The following PDGFRL variants were observed in gnomAD, a reference collection of about 807,000 sequenced individuals.
PDGFRL encodes the protein platelet-derived growth factor receptor-like protein.
In PDGFRL, 46 loss-of-function variants were observed where a neutral mutation model predicts 37.2. The ratio of observed to expected loss-of-function variants is 1.24; its 90% CI spans 0.98 to 1.58. The LOEUF (loss-of-function observed/expected upper bound fraction) is 1.58. Among genes scored for constraint, PDGFRL ranks in the 40% most tolerant of loss-of-function variants. The probability of loss-of-function intolerance (pLI) is 0.00; values close to 1 mark genes in which losing one functional copy is unlikely to be tolerated. For synonymous variants in PDGFRL, 251 were observed against 184.3 expected (o/e 1.36, Z -2.93); for missense variants, 692 against 467.6 (o/e 1.48, Z -4.43).
intron 3 of PDGFRL, among the ~76,000 whole-genome samples, chr8:17,622,311 G>A (rs898219038): frequency 1.3e-5 from 2 of 152,220 alleles, no homozygotes; most frequent in Non-Finnish European, 2.9e-5. Context: ...TGTCGTCCAA[G>A]ACATTTCAGG....
At chr8:17,641,722 G>T (rs1273627808) in intron 5 of PDGFRL, among the ~76,000 whole-genome samples, 2 of 152,160 alleles carry the variant, frequency 1.3e-5, no homozygotes, top group Non-Finnish European at 2.9e-5. Flanking sequence ...TGCCAGAAGA[G>T]ATTTGGCCTC....
At chr8:17,579,722 A>T (rs1803667106) in intron 1 of PDGFRL, among the ~76,000 whole-genome samples, 1 of 152,038 alleles carries the variant, frequency 6.6e-6, no homozygotes, top group African/African-American at 2.4e-5. Flanking sequence ...GCAAGTGTGT[A>T]TGGGGGTGAA....
chr8:17,593,713 A>T (rs113202541), intron 2 of PDGFRL, among the ~76,000 whole-genome samples: 1 of 151,510 alleles, frequency 6.6e-6, no homozygotes, highest in Non-Finnish European at 1.5e-5. Context: ...TGACCAACAC[A>T]GCGAAACCCC....
chr8:17,581,680 G>A (rs1459586307), intron 1 of PDGFRL, among the ~76,000 whole-genome samples: 1 of 152,126 alleles, frequency 6.6e-6, no homozygotes, highest in African/African-American at 2.4e-5. Flanking sequence ...TCCTCCCACC[G>A]CACCATGTGA....
At chr8:17,577,093 A>AAAAAAAAAAAT (rs1803599953), upstream of PDGFRL, 1 of 930,680 alleles carries the variant, frequency 1.1e-6, no homozygotes, top group Non-Finnish European at 1.5e-6. Context: ...AAAAAAAAAA[A>AAAAAAAAAAAT]AAATTCCCCA....
chr8:17,602,805 A>G (rs1804194020), intron 2 of PDGFRL, among the ~76,000 whole-genome samples: 1 of 152,166 alleles, frequency 6.6e-6, no homozygotes, highest in African/African-American at 2.4e-5. Context: ...CAGCTGTGCT[A>G]CAACTGGCTT....
intron 4 of PDGFRL, among the ~76,000 whole-genome samples, chr8:17,631,785 C>G (rs967254961): frequency 6.6e-6 from 1 of 152,190 alleles, no homozygotes; most frequent in African/African-American, 2.4e-5. Flanking sequence ...TTTTTCCCAG[C>G]TTCCCCCACC....
At chr8:17,584,402 G>C (rs1489073340) in intron 1 of PDGFRL, among the ~76,000 whole-genome samples, 1 of 151,470 alleles carries the variant, frequency 6.6e-6, no homozygotes, top group Non-Finnish European at 1.5e-5. Context: ...TAGAGGCGGG[G>C]TCAGGACAGG....
At chr8:17,587,350 C>G (rs1803839248) in intron 1 of PDGFRL, among the ~76,000 whole-genome samples, 1 of 152,132 alleles carries the variant, frequency 6.6e-6, no homozygotes, top group African/African-American at 2.4e-5. Context: ...AAGGATCAGA[C>G]AAGTAGCTCT....
intron 2 of PDGFRL, among the ~76,000 whole-genome samples, chr8:17,615,448 T>C (rs1471744556): frequency 6.6e-6 from 1 of 152,188 alleles, no homozygotes; most frequent in Non-Finnish European, 1.5e-5. Flanking sequence ...TATAAGTGTT[T>C]GTAACCTGAG....
intron 2 of PDGFRL, among the ~76,000 whole-genome samples, chr8:17,595,606 G>A (rs1197846718): frequency 2.0e-5 from 3 of 152,202 alleles, no homozygotes; most frequent in Admixed American, 1.3e-4. Flanking sequence ...GCGTGGCTGA[G>A]CCCAGGGCTT....
chr8:17,622,636 C>G (rs1250277176), intron 3 of PDGFRL, among the ~76,000 whole-genome samples: 1 of 152,146 alleles, frequency 6.6e-6, no homozygotes, highest in African/African-American at 2.4e-5. Context: ...AAGTTCTTGT[C>G]TCATGCCAGG....
intron 2 of PDGFRL, among the ~76,000 whole-genome samples, chr8:17,608,048 C>T (rs1214528666): frequency 1.3e-5 from 2 of 152,216 alleles, no homozygotes; most frequent in Non-Finnish European, 2.9e-5. Flanking sequence ...CTTCTCTTGT[C>T]ACTTCCCGTC....
rs549238732 is a variant in PDGFRL at position 17,606,263 on chromosome 8, C to G, written c.354-14788C>G. 2.0e-5 allele frequency among the ~76,000 whole-genome samples: 3 copies of G among 152,100 alleles called. 1 individual carries two copies. The highest frequency in any genetic ancestry group is 4.2e-4 in the South Asian group (2 of 4,810). On this transcript the variant is annotated intron_variant, in intron 2 of 5. Coordinates refer to ENST00000251630, the MANE Select transcript of PDGFRL (RefSeq NM_001372073.1). ...ATTAACCATTTTTAAGGAGATAGTT[C>G]AGTACACTTAAGTGCATTCATATCA...
At chr8:17,614,405 G>A (rs79564393) in intron 2 of PDGFRL, among the ~76,000 whole-genome samples, 1,885 of 152,128 alleles carry the variant, frequency 0.012, 28 homozygotes, top group East Asian at 0.093. Flanking sequence ...TCTCTGACAC[G>A]TTCTGAGACG....
intron 2 of PDGFRL, among the ~76,000 whole-genome samples, chr8:17,613,734 C>T (rs935468978): frequency 1.3e-5 from 2 of 152,108 alleles, no homozygotes; most frequent in Non-Finnish European, 2.9e-5. Flanking sequence ...CTAAAATTAG[C>T]CAGGCATGGT....
intron 5 of PDGFRL, among the ~76,000 whole-genome samples, chr8:17,641,898 C>CCCGCCCCCCCCCCCGCCCCCT (rs1339224750): frequency 1.5e-5 from 2 of 129,862 alleles, no homozygotes; most frequent in Non-Finnish European, 3.2e-5. Flanking sequence ...AATAGAGGTC[C>CCCGCCCCCCCCCCCGCCCCCT]CCGCCACATT....
chr8:17,615,753 A>G (rs1057483258), intron 2 of PDGFRL, among the ~76,000 whole-genome samples: 1 of 152,142 alleles, frequency 6.6e-6, no homozygotes, highest in African/African-American at 2.4e-5. Flanking sequence ...TGTCTCTACA[A>G]AAAAATGTAA....
chr8:17,621,338 G>C (rs1040301240), intron 3 of PDGFRL, 136 bp downstream of exon 3: 1 of 522,184 alleles, frequency 1.9e-6, no homozygotes, highest in Non-Finnish European at 3.4e-6. Flanking sequence ...TGGGCTAAAT[G>C]CTTTACATCA....
Sources: allele counts gnomAD v4.1 joint callset (sites outside exome capture counted in the v4.1 genomes callset), GRCh38; gene constraint gnomAD v4.1.1; transcripts MANE v1.5; gene names NCBI Gene and HGNC (gene_info 2026-07-23, HGNC 2026-07-21).